The following TNFSF10 variants were observed in gnomAD, a reference collection of about 807,000 sequenced individuals.
The protein encoded by TNFSF10 is tumor necrosis factor ligand superfamily member 10.
TNFSF10 carries 13 observed loss-of-function variants against 29.5 expected under a neutral mutation model. The ratio of observed to expected loss-of-function variants is 0.44; its 90% CI spans 0.29 to 0.70. The LOEUF (loss-of-function observed/expected upper bound fraction) is 0.70, where lower values mean the gene tolerates loss of function less well. TNFSF10 is among the 30% of genes least tolerant of loss of function. The pLI is 0.13. For synonymous variants in TNFSF10, 111 were observed against 112.8 expected (o/e 0.98, Z 0.10); for missense variants, 345 against 330.9 (o/e 1.04, Z -0.33).
chr3:172,512,654 C>G (rs1713273390), intron 2 of TNFSF10, among the ~76,000 whole-genome samples: 1 of 152,188 alleles, frequency 6.6e-6, no homozygotes, highest in African/African-American at 2.4e-5. Flanking sequence ...CCACAGCATT[C>G]TCTCTTATCT....
At chr3:172,518,008 A>T (rs1713510060) in intron 1 of TNFSF10, 1 of 987,114 alleles carries the variant, frequency 1.0e-6, no homozygotes, top group Non-Finnish European at 1.2e-6. Flanking sequence ...GCTGGTGACT[A>T]GACACATGGC....
At chr3:172,523,210 T>G (rs1366981437) in intron 1 of TNFSF10, 43 bp downstream of exon 1, 2 of 1,537,654 alleles carry the variant, frequency 1.3e-6, no homozygotes, top group Non-Finnish European at 1.8e-6. Flanking sequence ...AACCAGACAT[T>G]TGCTAAGCGC....
At chr3:172,509,724 T>TAA (rs1360669939) in intron 3 of TNFSF10, among the ~76,000 whole-genome samples, 1 of 152,142 alleles carries the variant, frequency 6.6e-6, no homozygotes, top group African/African-American at 2.4e-5. Context: ...CACCTTGAAT[T>TAA]ACATACAGAA....
intron 1 of TNFSF10, among the ~76,000 whole-genome samples, chr3:172,519,967 A>G (rs1713609810): frequency 6.6e-6 from 1 of 152,084 alleles, no homozygotes; most frequent in Non-Finnish European, 1.5e-5. Context: ...GGAAGAGCCT[A>G]CAGACCTGGG....
chr3:172,522,868 C>T (rs886929634), intron 1 of TNFSF10, among the ~76,000 whole-genome samples: 2 of 151,994 alleles, frequency 1.3e-5, no homozygotes, highest in Non-Finnish European at 2.9e-5. Context: ...TTATCTTTTT[C>T]AATTGAATGT....
At chr3:172,519,829 T>C (rs1409007093) in intron 1 of TNFSF10, among the ~76,000 whole-genome samples, 1 of 152,240 alleles carries the variant, frequency 6.6e-6, no homozygotes, top group Non-Finnish European at 1.5e-5. Flanking sequence ...AATTTATACT[T>C]TTCTGAGATC....
At chr3:172,511,536 GAGA>G (rs1480385598) in intron 3 of TNFSF10, 78 bp downstream of exon 3, 1 of 1,187,364 alleles carries the variant, frequency 8.4e-7, no homozygotes, top group Non-Finnish European at 1.2e-6. Context: ...TGAGAACACA[GAGA>G]AGGAGAATGG....
At chr3:172,511,561 C>A in intron 3 of TNFSF10, 56 bp downstream of exon 3, 2 of 1,415,582 alleles carry the variant, frequency 1.4e-6, no homozygotes, top group Admixed American at 1.8e-5. Flanking sequence ...GAACTATTCA[C>A]AACCTGTCAT....
At chr3:172,519,861 C>G (rs760124526) in intron 1 of TNFSF10, among the ~76,000 whole-genome samples, 26 of 152,220 alleles carry the variant, frequency 1.7e-4, no homozygotes, top group Admixed American at 3.3e-4. Context: ...ATTTCCTAGT[C>G]AGCTGGCAGA....
intron 1 of TNFSF10, 115 bp downstream of exon 1, chr3:172,523,138 C>T: frequency 7.6e-7 from 1 of 1,314,972 alleles, no homozygotes; most frequent in Non-Finnish European, 1.0e-6. Flanking sequence ...AGAGTGTACC[C>T]ACAGAGAAAG....
intron 2 of TNFSF10, among the ~76,000 whole-genome samples, chr3:172,512,125 T>C (rs1466914808): frequency 1.3e-5 from 2 of 152,198 alleles, no homozygotes; most frequent in Admixed American, 1.3e-4. Context: ...AGCCTCAAGA[T>C]GCAGGGCACA....
chr3:172,515,528 T>C (rs933092738), intron 1 of TNFSF10, among the ~76,000 whole-genome samples: 1 of 152,196 alleles, frequency 6.6e-6, no homozygotes, highest in Non-Finnish European at 1.5e-5. Context: ...AGATTCTAGT[T>C]ACTGATCTGA....
intron 1 of TNFSF10, among the ~76,000 whole-genome samples, chr3:172,518,817 T>A (rs1713558187): frequency 6.6e-6 from 1 of 152,254 alleles, no homozygotes; most frequent in Non-Finnish European, 1.5e-5. Context: ...ACACAGAAGA[T>A]TCAAACTTAT....
intron 4 of TNFSF10, among the ~76,000 whole-genome samples, chr3:172,508,167 T>C (rs1403570851): frequency 6.6e-6 from 1 of 151,906 alleles, no homozygotes; most frequent in Non-Finnish European, 1.5e-5. Context: ...TAGTGGTGCA[T>C]GCTTGTAATC....
intron 4 of TNFSF10, chr3:172,507,555 C>T (rs1227945651): frequency 6.6e-6 from 1 of 152,192 alleles, no homozygotes; most frequent in African/African-American, 2.4e-5. Flanking sequence ...AAAAATGAAC[C>T]TTCCAAAATG....
At chr3:172,509,976 C>CAA (rs11290814) in intron 3 of TNFSF10, among the ~76,000 whole-genome samples, 11 of 101,868 alleles carry the variant, frequency 1.1e-4, no homozygotes, top group Non-Finnish European at 1.7e-4. Flanking sequence ...AAGACTCCGT[C>CAA]AAAAAAAAAA....
In TNFSF10 at chr3:172,511,598, A is replaced by G. The variant is rs1713228313; in HGVS notation, c.313+19T>C. 6.3e-7 allele frequency: 1 copy of G among 1,595,834 alleles called. No homozygotes were observed. The highest frequency in any genetic ancestry group is 1.1e-5 in the South Asian group (1 of 89,126). ...AAGATGACAGTAAAAAATTAAAATA[A>G]CAACAAAAAAGATACTACCTTGAAC... On this transcript the variant is annotated intron_variant, in intron 3 of 4. Transcript: ENST00000241261.
intron 3 of TNFSF10, among the ~76,000 whole-genome samples, chr3:172,511,039 C>T (rs1053099050): frequency 1.3e-5 from 2 of 152,102 alleles, no homozygotes; most frequent in Non-Finnish European, 2.9e-5. Flanking sequence ...AGATGGAAAG[C>T]TAAAGAAGCC....
intron 1 of TNFSF10, among the ~76,000 whole-genome samples, chr3:172,519,617 T>C (rs1713594308): frequency 6.6e-6 from 1 of 152,262 alleles, no homozygotes. Flanking sequence ...CTTTTCTAAA[T>C]GTGTCCTACA....
Sources: allele counts gnomAD v4.1 joint callset (sites outside exome capture counted in the v4.1 genomes callset), GRCh38; gene constraint gnomAD v4.1.1; transcripts MANE v1.5; gene names NCBI Gene and HGNC (gene_info 2026-07-23, HGNC 2026-07-21).